NRXN3: variants seen among roughly 807,000 people sequenced by gnomAD.
NRXN3 encodes the protein neurexin III.
In NRXN3, 32 loss-of-function variants were observed where a neutral mutation model predicts 137.6. The observed-to-expected ratio is 0.23, with a 90% CI of 0.18 to 0.31. The LOEUF is 0.31. Among genes scored for constraint, NRXN3 ranks in the 10% least tolerant of loss-of-function variants. NRXN3 has a pLI of 1.00. For synonymous variants in NRXN3, 798 were observed against 784.5 expected (o/e 1.02, Z -0.29); for missense variants, 1,574 against 2,062.5 (o/e 0.76, Z 4.59).
chr14:78,550,583 G>A (rs1448836787), intron 4 of NRXN3, among the ~76,000 whole-genome samples: 1 of 152,070 alleles, frequency 6.6e-6, no homozygotes, highest in Non-Finnish European at 1.5e-5. Flanking sequence ...AGCACCAGTT[G>A]AGAATGTATT....
rs796107012 is a variant in NRXN3, at chr14:79,358,607, G to GAGAAGGAAAGAA, written c.3263-108610_3263-108609insGGAAAGAAAGAA. On this transcript the variant is annotated intron_variant, in intron 15 of 20. Coordinates refer to ENST00000335750, the MANE Select transcript of NRXN3 (RefSeq NM_001330195.2). The stretch of plus-strand genomic sequence containing the variant: ...AGAGAGAAAGAAAGAAAGAAAGAAA[G>GAGAAGGAAAGAA]AGAAAGAAAGAAAGAAAGAAAGAAA... 1.6e-3 allele frequency among the ~76,000 whole-genome samples: 124 copies of GAGAAGGAAAGAA among 79,984 alleles called. 3 individuals are homozygous for GAGAAGGAAAGAA. The highest frequency in any genetic ancestry group is 2.3e-3 in the Non-Finnish European group (90 of 39,158). The allele number at this position is 79,984 out of a possible 152,430, so 52.5% of individuals were successfully genotyped here.
At chr14:78,294,707 C>CCTAG (rs2076149690) in intron 3 of NRXN3, among the ~76,000 whole-genome samples, 1 of 152,142 alleles carries the variant, frequency 6.6e-6, no homozygotes, top group South Asian at 2.1e-4. Flanking sequence ...TAACAACTTT[C>CCTAG]CTAGCGTCAC....
At chr14:78,377,775 C>G (rs889558962) in intron 4 of NRXN3, among the ~76,000 whole-genome samples, 30 of 152,238 alleles carry the variant, frequency 2.0e-4, no homozygotes, top group African/African-American at 6.5e-4. Context: ...TACTGGTCAC[C>G]CTGATCACCT....
At chr14:78,968,992 A>G (rs2153003762) in intron 14 of NRXN3, among the ~76,000 whole-genome samples, 1 of 152,304 alleles carries the variant, frequency 6.6e-6, no homozygotes, top group South Asian at 2.1e-4. Flanking sequence ...TGACATTTGG[A>G]AGGTGATGTA....
intron 15 of NRXN3, among the ~76,000 whole-genome samples, chr14:79,283,570 G>A (rs964305057): frequency 1.3e-5 from 2 of 152,146 alleles, no homozygotes; most frequent in East Asian, 3.9e-4. Flanking sequence ...TCCCAGGACA[G>A]CCTAGAGGAT....
At chr14:79,000,193 A>G (rs2099538535) in intron 15 of NRXN3, among the ~76,000 whole-genome samples, 1 of 151,912 alleles carries the variant, frequency 6.6e-6, no homozygotes, top group African/African-American at 2.4e-5. Context: ...TCAGCCCTTT[A>G]CTAAATCTAA....
At chr14:78,794,165 G>C (rs188948229) in intron 8 of NRXN3, among the ~76,000 whole-genome samples, 1 of 152,038 alleles carries the variant, frequency 6.6e-6, no homozygotes, top group Non-Finnish European at 1.5e-5. Context: ...TAGATCACCC[G>C]AGAGGTCAGG....
intron 1 of NRXN3, among the ~76,000 whole-genome samples, chr14:78,184,537 A>G (rs1304612164): frequency 6.6e-6 from 1 of 152,240 alleles, no homozygotes; most frequent in Non-Finnish European, 1.5e-5. Context: ...CTCAGAAAAT[A>G]AGAAAGGGAG....
At chr14:79,322,931 T>C (rs2090271887) in intron 15 of NRXN3, among the ~76,000 whole-genome samples, 2 of 152,240 alleles carry the variant, frequency 1.3e-5, no homozygotes, top group African/African-American at 4.8e-5. Flanking sequence ...AACCTTTATC[T>C]TGTGGATGAC....
intron 4 of NRXN3, among the ~76,000 whole-genome samples, chr14:78,504,128 A>G (rs762632148): frequency 2.6e-5 from 4 of 152,156 alleles, no homozygotes; most frequent in Non-Finnish European, 2.9e-5. Context: ...TGGTTGATCT[A>G]TTTGTACACT....
chr14:79,018,010 C>T (rs1006577094), intron 15 of NRXN3, among the ~76,000 whole-genome samples: 6 of 151,698 alleles, frequency 4.0e-5, no homozygotes, highest in Admixed American at 1.3e-4. Flanking sequence ...CTGTAATCCT[C>T]GCACTTTGGG....
chr14:79,852,812 T>C (rs898519490), intron 20 of NRXN3, among the ~76,000 whole-genome samples: 1 of 151,924 alleles, frequency 6.6e-6, no homozygotes, highest in Admixed American at 6.6e-5. Context: ...TTCTTTAAAC[T>C]TTTTGTTTTT....
chr14:79,453,720 C>A (rs1018347868), intron 15 of NRXN3, among the ~76,000 whole-genome samples: 2 of 152,208 alleles, frequency 1.3e-5, no homozygotes, highest in Admixed American at 6.5e-5. Context: ...ACATTCTAAT[C>A]TGTATTTCCT....
chr14:78,661,658 T>C (rs1233911337), intron 6 of NRXN3, among the ~76,000 whole-genome samples: 2 of 152,228 alleles, frequency 1.3e-5, no homozygotes, highest in Non-Finnish European at 2.9e-5. Context: ...TTCTGCAGTA[T>C]AATTTATTGG....
intron 19 of NRXN3, among the ~76,000 whole-genome samples, chr14:79,700,706 GT>G (rs369009869): frequency 6.6e-6 from 1 of 152,066 alleles, no homozygotes; most frequent in Non-Finnish European, 1.5e-5. Context: ...TGAACAAGTA[GT>G]TTTTGAGTTG....
chr14:79,787,736 TTTAAAGGCTGAATA>T (rs2099133532), intron 19 of NRXN3, among the ~76,000 whole-genome samples: 1 of 152,230 alleles, frequency 6.6e-6, no homozygotes, highest in East Asian at 1.9e-4. Flanking sequence ...TTTCCTGCTT[TTTAAAGGCTGAATA>T]TTATTCCATT....
intron 15 of NRXN3, among the ~76,000 whole-genome samples, chr14:79,090,940 G>A (rs1007257565): frequency 6.6e-6 from 1 of 152,132 alleles, no homozygotes; most frequent in Non-Finnish European, 1.5e-5. Context: ...ACAGAAAACA[G>A]CAGATGTCCC....
intron 15 of NRXN3, among the ~76,000 whole-genome samples, chr14:79,063,442 C>T (rs1250204746): frequency 6.6e-6 from 1 of 152,030 alleles, no homozygotes; most frequent in Non-Finnish European, 1.5e-5. Context: ...TACCACCATG[C>T]CCGGCTAATT....
intron 4 of NRXN3, among the ~76,000 whole-genome samples, chr14:78,496,089 A>G (rs1393692926): frequency 1.3e-5 from 2 of 152,174 alleles, no homozygotes; most frequent in Non-Finnish European, 2.9e-5. Flanking sequence ...TACTAATACA[A>G]TTTCCATTAA....
Sources: gnomAD v4.1 joint callset for allele counts (sites outside exome capture counted in the v4.1 genomes callset) on GRCh38, gnomAD v4.1.1 for gene constraint, MANE v1.5 for transcripts, NCBI Gene and HGNC (gene_info 2026-07-23, HGNC 2026-07-21) for gene names.